RPH3AL: variants seen among roughly 807,000 people sequenced by gnomAD.
The protein encoded by RPH3AL is rab effector Noc2.
Under a neutral mutation model 43.1 loss-of-function variants are expected in RPH3AL, and 38 were observed. That is an observed-to-expected ratio of 0.88 (90% CI 0.68 to 1.15). The LOEUF (loss-of-function observed/expected upper bound fraction) is 1.15, where lower values mean the gene tolerates loss of function less well. Among genes scored for constraint, RPH3AL ranks in the 50% most tolerant of loss-of-function variants. The pLI is 0.00. For missense variants in RPH3AL, 462 were observed against 423.2 expected, an observed-to-expected ratio of 1.09 and a Z score of -0.81; for synonymous variants, 189 against 176.3, an observed-to-expected ratio of 1.07 and a Z score of -0.57.
At chr17:226,793 C>T (rs927038477) in intron 7 of RPH3AL, among the ~76,000 whole-genome samples, 3 of 152,254 alleles carry the variant, frequency 2.0e-5, no homozygotes, top group Non-Finnish European at 4.4e-5. Flanking sequence ...GATTGTCAGT[C>T]TTCCAGGTCT....
intron 7 of RPH3AL, among the ~76,000 whole-genome samples, chr17:238,137 GAGAAAGAAAGAAA>G (rs1329215201): frequency 3.4e-5 from 5 of 148,268 alleles, no homozygotes; most frequent in Non-Finnish European, 4.5e-5. Context: ...GTGAAACCCT[GAGAAAGAAAGAAA>G]AGAAAGAAAG....
chr17:292,894 G>A (rs1300308784), intron 5 of RPH3AL, among the ~76,000 whole-genome samples: 1 of 152,236 alleles, frequency 6.6e-6, no homozygotes, highest in Non-Finnish European at 1.5e-5. Context: ...AGGCCCCAAG[G>A]AGGCACAGCC....
chr17:253,725 TTTTCCATCCCTAGGAAC>T (rs1555543612), intron 6 of RPH3AL, among the ~76,000 whole-genome samples: 83 of 123,336 alleles, frequency 6.7e-4, no homozygotes, highest in South Asian at 2.1e-3. Context: ...GCGTCTGTCC[TTTTCCATCCCTAGGAAC>T]GTGACTACCC....
chr17:228,290 G>A (rs890969051), intron 7 of RPH3AL, among the ~76,000 whole-genome samples: 2 of 152,096 alleles, frequency 1.3e-5, no homozygotes, highest in Non-Finnish European at 2.9e-5. Context: ...CAATCCTCCC[G>A]CCTCGGTCTC....
intron 1 of RPH3AL, among the ~76,000 whole-genome samples, chr17:336,958 C>A (rs1435034817): frequency 6.6e-6 from 1 of 152,136 alleles, no homozygotes; most frequent in African/African-American, 2.4e-5. Context: ...CGGCTTGAGC[C>A]CACCGCCCTC....
chr17:299,039 GC>G (rs1207430802), intron 5 of RPH3AL, among the ~76,000 whole-genome samples: 1 of 151,622 alleles, frequency 6.6e-6, no homozygotes, highest in Non-Finnish European at 1.5e-5. Context: ...TATGCTGCTG[GC>G]AGTAGGGAGC....
rs1455046400 is a variant in RPH3AL, at chr17:323,586, C to T, written c.78-2171G>A. 6.6e-6 allele frequency among the ~76,000 whole-genome samples: 1 copy of T among 152,124 alleles called. No individual in the cohort carries two copies. The highest frequency in any genetic ancestry group is 1.5e-5 in the Non-Finnish European group (1 of 67,998). Reference sequence around the variant, plus strand: ...AGGGGAAGGGAGTTGGAAGCCAGGGCCCCCAGGTTCAGGGAATCACCACTC... The same window carrying T: ...AGGGGAAGGGAGTTGGAAGCCAGGGTCCCCAGGTTCAGGGAATCACCACTC... On this transcript the variant is annotated intron_variant, in intron 3 of 9. Transcript: ENST00000331302. The surrounding 1 kb of genome is among the most constrained non-coding windows in gnomAD (Gnocchi z 4.4).
At chr17:324,134 G>T (rs964781530) in intron 3 of RPH3AL, among the ~76,000 whole-genome samples, 3 of 152,222 alleles carry the variant, frequency 2.0e-5, no homozygotes, top group African/African-American at 7.2e-5. Context: ...AACGTAGCTA[G>T]CTAGCAGGAA....
chr17:299,894 C>T (rs1451696830), intron 5 of RPH3AL, among the ~76,000 whole-genome samples: 1 of 152,260 alleles, frequency 6.6e-6, no homozygotes, highest in African/African-American at 2.4e-5. Flanking sequence ...GCCTAGGGGG[C>T]AGGTGTCCCG....
chr17:340,063 G>C (rs2045069934), intron 1 of RPH3AL, among the ~76,000 whole-genome samples: 1 of 152,010 alleles, frequency 6.6e-6, no homozygotes, highest in Non-Finnish European at 1.5e-5. Context: ...GACAGCCCCT[G>C]CTCCCCACCA....
intron 5 of RPH3AL, among the ~76,000 whole-genome samples, chr17:317,645 G>GCCAGTTAATCCACCTTCCTCAGC (rs1417901246): frequency 2.0e-5 from 3 of 152,174 alleles, no homozygotes. Flanking sequence ...GTATTTTTGG[G>GCCAGTTAATCCACCTTCCTCAGC]CCAGTTAATC....
rs1029575964 is a variant in RPH3AL, at chr17:215,080, C to T, written c.876+574G>A. On this transcript the variant is annotated intron_variant, in intron 9 of 9. Coordinates refer to ENST00000331302, the MANE Select transcript of RPH3AL (RefSeq NM_006987.4). This position sits in a 1 kb window ranked among gnomAD's most constrained non-coding sequence, Gnocchi z 4.1. ...AGATCAGCTGCTGCCCTGGTGCATG[C>T]GTGTACCCATGAATCCTCTGGCCAG... Among the ~76,000 whole-genome samples the T allele has an allele frequency of 2.0e-5, 3 of 152,186 alleles. No homozygotes were observed. Among genetic ancestry groups the T allele is most frequent in the East Asian group, 3.9e-4 (2 of 5,194 alleles).
chr17:247,322 G>A (rs367573048), intron 6 of RPH3AL, 37 bp from the exon 7 acceptor site: 122 of 1,517,306 alleles, frequency 8.0e-5, no homozygotes, highest in Middle Eastern at 2.4e-4. Context: ...GGCACAGGAC[G>A]CAGAGGAGCC....
chr17:238,651 C>T (rs2041459184), intron 7 of RPH3AL, among the ~76,000 whole-genome samples: 1 of 152,218 alleles, frequency 6.6e-6, no homozygotes, highest in Non-Finnish European at 1.5e-5. Flanking sequence ...AGCCGTGGCT[C>T]CTTCCTCTGA....
chr17:223,722 T>C (rs2041043881), intron 7 of RPH3AL, among the ~76,000 whole-genome samples: 1 of 152,158 alleles, frequency 6.6e-6, no homozygotes, highest in African/African-American at 2.4e-5. Flanking sequence ...GTAGCTGCCA[T>C]GTAGATCCAG....
intron 1 of RPH3AL, among the ~76,000 whole-genome samples, chr17:351,017 G>A (rs369966176): frequency 2.0e-5 from 3 of 152,222 alleles, no homozygotes; most frequent in East Asian, 3.9e-4. Flanking sequence ...GCCCAGCCAG[G>A]AGAAGATGCT....
intron 3 of RPH3AL, 194 bp from the exon 4 acceptor site, chr17:321,609 AGGTGGCAACAGAGAC>A (rs2044478972): frequency 1.8e-6 from 1 of 561,160 alleles, no homozygotes; most frequent in Non-Finnish European, 3.0e-6. Flanking sequence ...GAGACGGCCC[AGGTGGCAACAGAGAC>A]GGCCCAGGTT....
intron 1 of RPH3AL, chr17:338,640 G>C (rs187711663): frequency 6.6e-6 from 1 of 152,134 alleles, no homozygotes; most frequent in Non-Finnish European, 1.5e-5. Flanking sequence ...GGCTTGGGAC[G>C]GGCAGTATCG....
At chr17:229,351 G>C (rs940589416) in intron 7 of RPH3AL, among the ~76,000 whole-genome samples, 3 of 152,208 alleles carry the variant, frequency 2.0e-5, no homozygotes, top group Non-Finnish European at 4.4e-5. Context: ...CGGTTACTCA[G>C]GAAATACTTG....
Sources: allele counts gnomAD v4.1 joint callset (sites outside exome capture counted in the v4.1 genomes callset), GRCh38; gene constraint gnomAD v4.1.1; non-coding constraint Gnocchi (gnomAD v3.1); transcripts MANE v1.5; gene names NCBI Gene and HGNC (gene_info 2026-07-23, HGNC 2026-07-21).